Variants in MYO3A observed in about 807,000 individuals in gnomAD.
The protein encoded by MYO3A is myosin IIIA, also known as myosin-IIIa.
In MYO3A, 180 loss-of-function variants were observed where a neutral mutation model predicts 192.7. That is an observed-to-expected ratio of 0.93 (90% CI 0.83 to 1.06). The LOEUF is 1.06. Among genes scored for constraint, MYO3A ranks in the 50% least tolerant of loss-of-function variants. MYO3A has a pLI of 0.00. For missense variants in MYO3A, 1,896 were observed against 1,905.0 expected (o/e 1.00, Z 0.09); for synonymous variants, 628 against 645.3 (o/e 0.97, Z 0.41).
chr10:26,090,316 C>T (rs996267871), intron 15 of MYO3A, among the ~76,000 whole-genome samples: 3 of 152,100 alleles, frequency 2.0e-5, no homozygotes, highest in African/African-American at 7.2e-5. Flanking sequence ...ACAATGAGGC[C>T]CTGAGCTTGT....
chr10:25,991,062 G>A (rs1039608788), intron 4 of MYO3A, among the ~76,000 whole-genome samples: 1 of 152,094 alleles, frequency 6.6e-6, no homozygotes, highest in Non-Finnish European at 1.5e-5. Context: ...GGTATTTCTA[G>A]TTCTAGATCC....
intron 17 of MYO3A, among the ~76,000 whole-genome samples, chr10:26,110,000 T>C (rs1453933637): frequency 6.6e-6 from 1 of 152,158 alleles, no homozygotes; most frequent in Non-Finnish European, 1.5e-5. Flanking sequence ...CAGAACATTA[T>C]GAATTATAAG....
Position 26,211,948 on chromosome 10 carries a change from C to A in MYO3A, c.4836C>A (p.Leu1612=). 3 of 1,613,930 alleles carry A rather than the reference C, an allele frequency of 1.9e-6. No individual in the cohort carries two copies. The highest frequency in any genetic ancestry group is 2.5e-6 in the Non-Finnish European group (3 of 1,179,942). Residue 1612 remains leucine, a synonymous_variant, in exon 35 of 35, where the codon CTC becomes CTA. Coordinates refer to ENST00000642920, the MANE Select transcript of MYO3A (RefSeq NM_017433.5). The part of the protein sequence containing the change: ...LLRKTSQRRR[L]VQQS ...GCAAAACCTCCCAGCGCCGGCGCCT[C>A]GTCCAGCAGTCCTAACCGTTCAACG...
In MYO3A at chr10:26,070,168, A is replaced by G. The variant is rs1324248077; in HGVS notation, c.1228A>G (p.Met410Val). The G allele has an allele frequency of 1.8e-5, 29 of 1,612,536 alleles. No homozygotes were observed. The highest frequency in any genetic ancestry group is 2.3e-5 in the Non-Finnish European group (27 of 1,178,828). ...RTASPPHIFA[M>V]ADLGYQSMIT... Reference sequence around the variant, plus strand: ...TGCCAGTCCTCCTCACATTTTTGCAATGGCTGACTTAGGATATCAATCTAT... The same window carrying G: ...TGCCAGTCCTCCTCACATTTTTGCAGTGGCTGACTTAGGATATCAATCTAT... The change falls in exon 13 of 35, where the codon ATG (methionine) becomes GTG (valine). Residue 410 changes from methionine (M) to valine (V), a missense_variant. By Grantham distance (21) the Met-to-Val change is conservative. Coordinates refer to ENST00000642920, the MANE Select transcript of MYO3A (RefSeq NM_017433.5).
chr10:25,978,559 A>G (rs1338691889), intron 4 of MYO3A, among the ~76,000 whole-genome samples: 1 of 152,216 alleles, frequency 6.6e-6, no homozygotes, highest in Non-Finnish European at 1.5e-5. Context: ...ATGGAAATTG[A>G]AGATGAGATT....
At chr10:26,009,082 G>A (rs554983285) in intron 6 of MYO3A, among the ~76,000 whole-genome samples, 13,215 of 150,126 alleles carry the variant, frequency 0.088, 1,076 homozygotes, top group African/African-American at 0.21. Flanking sequence ...TTTTAGGGAC[G>A]TGGATGAAAT....
chr10:26,186,803 G>T (rs1842889705), intron 31 of MYO3A, among the ~76,000 whole-genome samples: 1 of 152,102 alleles, frequency 6.6e-6, no homozygotes, highest in Non-Finnish European at 1.5e-5. Context: ...ATTTATATCT[G>T]TGTTGTAAAT....
chr10:26,167,468 T>C (rs1935485), intron 27 of MYO3A, among the ~76,000 whole-genome samples: 28,100 of 152,158 alleles, frequency 0.18, 2,854 homozygotes, highest in Non-Finnish European at 0.21. Flanking sequence ...TCATGATTTA[T>C]GGTCTGAAAC....
intron 4 of MYO3A, among the ~76,000 whole-genome samples, chr10:25,964,273 C>T (rs1036746984): frequency 1.3e-5 from 2 of 152,090 alleles, no homozygotes; most frequent in Non-Finnish European, 1.5e-5. Context: ...CTAGTTTACA[C>T]ATTGGAAAAG....
intron 4 of MYO3A, among the ~76,000 whole-genome samples, chr10:25,983,541 G>A (rs917842209): frequency 1.3e-5 from 2 of 152,146 alleles, no homozygotes; most frequent in Non-Finnish European, 2.9e-5. Flanking sequence ...ACAGGTGTGA[G>A]CCACTGCACC....
Position 26,183,136 on chromosome 10 carries a change from C to T in MYO3A, c.4438+6291C>T, listed in dbSNP as rs560856828. On this transcript the variant is annotated intron_variant, in intron 31 of 34. Coordinates refer to ENST00000642920, the MANE Select transcript of MYO3A (RefSeq NM_017433.5). ...GGGTGTATCTGTGGGTCTCACCCCC[C>T]ACACAGGCTGCTTTATCCTCCTGCT... Among the ~76,000 whole-genome samples, 4 of 152,254 alleles carry T rather than the reference C, an allele frequency of 2.6e-5. No individual in the cohort carries two copies. In the South Asian group the frequency reaches 8.3e-4, roughly 32 times the overall value.
intron 17 of MYO3A, among the ~76,000 whole-genome samples, chr10:26,103,909 T>C (rs1837628559): frequency 6.6e-6 from 1 of 152,226 alleles, no homozygotes; most frequent in Non-Finnish European, 1.5e-5. Context: ...TGGTATCACA[T>C]GAGGGTTTGG....
chr10:25,999,894 A>C (rs555106718), intron 6 of MYO3A, among the ~76,000 whole-genome samples: 1 of 151,976 alleles, frequency 6.6e-6, no homozygotes, highest in South Asian at 2.1e-4. Context: ...TAGACACAAA[A>C]CTTGTCTCTC....
At chr10:26,147,680 A>G in intron 23 of MYO3A, 121 bp downstream of exon 23, 3 of 1,434,056 alleles carry the variant, frequency 2.1e-6, no homozygotes, top group Non-Finnish European at 1.9e-6. Flanking sequence ...CTCACTAAAT[A>G]TTCATTTGTT....
At chr10:26,025,078 C>T (rs1842480652) in intron 9 of MYO3A, among the ~76,000 whole-genome samples, 1 of 152,144 alleles carries the variant, frequency 6.6e-6, no homozygotes, top group Non-Finnish European at 1.5e-5. Flanking sequence ...ATATGTGCCT[C>T]TTCTGAATAC....
At chr10:25,955,116 G>T (rs1194404096) in intron 4 of MYO3A, 108 bp downstream of exon 4, 13 of 1,462,562 alleles carry the variant, frequency 8.9e-6, no homozygotes, top group African/African-American at 1.4e-5. Context: ...GTTCTGATAA[G>T]TTCCTGACCA....
intron 17 of MYO3A, among the ~76,000 whole-genome samples, chr10:26,106,130 G>C (rs1837785831): frequency 6.6e-6 from 1 of 151,982 alleles, no homozygotes; most frequent in African/African-American, 2.4e-5. Context: ...CATACAAACT[G>C]TAAGATCAAT....
chr10:25,976,541 T>G (rs2130768481), intron 4 of MYO3A, among the ~76,000 whole-genome samples: 1 of 152,304 alleles, frequency 6.6e-6, no homozygotes, highest in Admixed American at 6.5e-5. Flanking sequence ...TTCAGAGAAC[T>G]TAACAAAGGC....
intron 4 of MYO3A, among the ~76,000 whole-genome samples, chr10:25,993,363 C>T (rs1386731873): frequency 7.2e-5 from 11 of 152,134 alleles, no homozygotes; most frequent in Admixed American, 3.3e-4. Context: ...ATATCCCCTT[C>T]ATGATTTTTT....
Sources: allele counts gnomAD v4.1 joint callset (sites outside exome capture counted in the v4.1 genomes callset), GRCh38; gene constraint gnomAD v4.1.1; transcripts MANE v1.5; gene names NCBI Gene and HGNC (gene_info 2026-07-23, HGNC 2026-07-21).